The following TRAP1 variants were observed in gnomAD, a reference collection of about 807,000 sequenced individuals.
TRAP1 encodes TNF receptor associated protein 1.
A neutral mutation model predicts 89.1 loss-of-function variants in TRAP1; 102 were observed. That is an observed-to-expected ratio of 1.15 (90% confidence interval 0.98 to 1.35). The LOEUF (loss-of-function observed/expected upper bound fraction) is 1.35, where lower values mean the gene tolerates loss of function less well. Among genes scored for constraint, TRAP1 ranks in the 40% most tolerant of loss-of-function variants. TRAP1 has a pLI of 0.00. For missense variants in TRAP1, 1,256 were observed against 945.3 expected (o/e 1.33, Z -4.31); for synonymous variants, 508 against 388.0 (o/e 1.31, Z -3.64).
At position 3,664,362 on chromosome 16, in the gene TRAP1, G is replaced by C; in HGVS notation, c.1481C>G (p.Thr494Ser). 1 of 1,613,032 alleles carries C rather than the reference G, an allele frequency of 6.2e-7. No individual in the cohort carries two copies. Among genetic ancestry groups the C allele is most frequent in the Non-Finnish European group, 8.5e-7 (1 of 1,179,620 alleles). The change falls in exon 13 of 18, where the codon ACC (threonine) becomes AGC (serine). Residue 494 changes from threonine to serine, a missense_variant. Transcript: ENST00000246957. ...SEYASRMRAG[T>S]RNIYYLCAPN... is the part of the protein sequence containing the mutation. ...GGCGCACAGGTAGTAGATGTTGCGGGTGCCGGCCCGCATGCGGCTGGCGTA... is the reference window on the plus strand; with the variant it reads ...GGCGCACAGGTAGTAGATGTTGCGGCTGCCGGCCCGCATGCGGCTGGCGTA...
At chr16:3,688,254 G>A (rs1306983679) in intron 3 of TRAP1, among the ~76,000 whole-genome samples, 1 of 151,674 alleles carries the variant, frequency 6.6e-6, no homozygotes, top group Non-Finnish European at 1.5e-5. Flanking sequence ...TCCTACCTTG[G>A]CCTCCTAAAG....
rs186403475 is a variant in TRAP1 at position 3,704,042 on chromosome 16, A to G, written c.89-13057T>C. ...AAAAAAAAAATCAAAAAACAAAACT[A>G]TTTACAAAAGTTACATTACAGGCCA... On this transcript the variant is annotated intron_variant, in intron 1 of 17. Coordinates refer to ENST00000246957, the MANE Select transcript of TRAP1 (RefSeq NM_016292.3). Among the ~76,000 whole-genome samples, 7 of 148,748 alleles carry G rather than the reference A, an allele frequency of 4.7e-5. No individual in the cohort carries two copies. In the Admixed American group the frequency reaches 4.7e-4, roughly 10 times the overall value.
intron 11 of TRAP1, 122 bp downstream of exon 11, chr16:3,671,600 C>T (rs868667610): frequency 4.0e-5 from 42 of 1,057,172 alleles, no homozygotes; most frequent in Admixed American, 3.1e-4. Context: ...ATGTGCAGGC[C>T]GGGCTTCCCC....
Position 3,664,511 on chromosome 16 carries a change from T to A in TRAP1, c.1384-52A>T, listed in dbSNP as rs561408701. The A allele has an allele frequency of 5.8e-6, 9 of 1,545,690 alleles. 1 individual carries two copies. The South Asian group carries it at 8.4e-5, about 14-fold the overall frequency. ...TTATTCCAGGCCCATGGGCTCAATG[T>A]TGCCCAACTAACTGGGCGCAAACCC... On this transcript the variant is annotated intron_variant, in intron 12 of 17. Transcript: ENST00000246957.
intron 1 of TRAP1, among the ~76,000 whole-genome samples, chr16:3,701,055 A>C (rs2051358612): frequency 6.6e-6 from 1 of 152,220 alleles, no homozygotes. Context: ...GCTATCTACA[A>C]GACACTTTAA....
chr16:3,659,015 A>G, intron 16 of TRAP1, 150 bp from the exon 17 acceptor site: 1 of 753,390 alleles, frequency 1.3e-6, no homozygotes, highest in Non-Finnish European at 2.1e-6. Flanking sequence ...ATTTATAGAT[A>G]ATATCATTAT....
chr16:3,676,006 G>C lies in TRAP1; in HGVS notation c.814+30C>G, dbSNP rs1383633184. The C allele has an allele frequency of 1.9e-6, 3 of 1,584,436 alleles. No homozygotes were observed. The African/African-American group carries it at 4.0e-5, about 21-fold the overall frequency. ...GCCTCCAGGCCACACATGGATCCCA[G>C]AGTGAGCCTGGGCCCGGGCTCCCGC... On this transcript the variant is annotated intron_variant, in intron 7 of 17. Coordinates refer to ENST00000246957, the MANE Select transcript of TRAP1 (RefSeq NM_016292.3).
chr16:3,710,571 C>A (rs2051514896), intron 1 of TRAP1: 1 of 152,168 alleles, frequency 6.6e-6, no homozygotes, highest in Non-Finnish European at 1.5e-5. Context: ...GACTTCTCAT[C>A]ATAATGGTTA....
At chr16:3,684,593 C>T (rs950318775) in intron 4 of TRAP1, among the ~76,000 whole-genome samples, 1 of 152,186 alleles carries the variant, frequency 6.6e-6, no homozygotes, top group African/African-American at 2.4e-5. Flanking sequence ...AGTTCAAGCC[C>T]AGCCTGGCCA....
At chr16:3,660,441 C>G (rs570319873) in intron 16 of TRAP1, 7 of 152,332 alleles carry the variant, frequency 4.6e-5, no homozygotes, top group African/African-American at 1.7e-4. Flanking sequence ...CTGGTACACT[C>G]CAGCCTAGGT....
intron 1 of TRAP1, among the ~76,000 whole-genome samples, chr16:3,709,227 CAAAAAAA>C (rs58859365): frequency 7.3e-5 from 6 of 82,398 alleles, no homozygotes; most frequent in Non-Finnish European, 1.7e-4. Context: ...AACTCCATCT[CAAAAAAA>C]AAAAAAAAAA....
chr16:3,700,087 T>G (rs77589580), intron 1 of TRAP1, among the ~76,000 whole-genome samples: 1,555 of 152,302 alleles, frequency 0.01, 20 homozygotes, highest in South Asian at 0.047. Context: ...AAAAAGCTTG[T>G]ATTTCTCAGT....
intron 11 of TRAP1, among the ~76,000 whole-genome samples, chr16:3,666,988 C>G (rs1178725042): frequency 1.3e-5 from 2 of 152,154 alleles, no homozygotes; most frequent in Non-Finnish European, 2.9e-5. Flanking sequence ...CTCTCGAGTT[C>G]ATTTAGAGCC....
intron 1 of TRAP1, among the ~76,000 whole-genome samples, chr16:3,707,835 C>A (rs971373679): frequency 7.7e-6 from 1 of 130,358 alleles, no homozygotes; most frequent in Admixed American, 8.8e-5. Context: ...GCCTGGGCAA[C>A]AGACAGAGCG....
chr16:3,709,824 A>G (rs1002149688), intron 1 of TRAP1, among the ~76,000 whole-genome samples: 1 of 151,828 alleles, frequency 6.6e-6, no homozygotes, highest in Non-Finnish European at 1.5e-5. Context: ...CTAGTTTTGT[A>G]TTTTTCGTAG....
In TRAP1 at chr16:3,682,112, T is replaced by C. The variant is rs192803197; in HGVS notation, c.472-2322A>G. Among the ~76,000 whole-genome samples the C allele has an allele frequency of 1.6e-3, 242 of 152,264 alleles. 2 individuals are homozygous for C. The highest frequency in any genetic ancestry group is 5.6e-3 in the African/African-American group (232 of 41,538). ...TCCAAGGTAATTCAATGGGGGATGATAGGTCTATTAACAGATAGTACTGAA... is the reference window on the plus strand; with the variant it reads ...TCCAAGGTAATTCAATGGGGGATGACAGGTCTATTAACAGATAGTACTGAA... On this transcript the variant is annotated intron_variant, in intron 4 of 17. Transcript: ENST00000246957.
chr16:3,664,014 G>C (rs1596694732), intron 13 of TRAP1: 2 of 413,100 alleles, frequency 4.8e-6, no homozygotes, highest in Middle Eastern at 6.6e-4. Flanking sequence ...AGTGAGCCGA[G>C]ATCGCACCAC....
rs141412735 is a variant in TRAP1 at position 3,666,010 on chromosome 16, C to T, written c.1344G>A (p.Met448Ile). 2.5e-6 allele frequency: 4 copies of T among 1,614,174 alleles called. No individual in the cohort carries two copies. The highest frequency in any genetic ancestry group is 3.4e-6 in the Non-Finnish European group (4 of 1,180,022). ...AKFFEDYGLF[M>I]REGIVTATEQ... is the part of the protein sequence containing the mutation. ...CGGTGGCGGTCACAATGCCCTCCCG[C>T]ATGAACAGGCCGTAATCTTCAAAAA... Residue 448 changes from methionine to isoleucine, a missense_variant, in exon 12 of 18, where the codon ATG becomes ATA. Transcript: ENST00000246957.
In TRAP1 at chr16:3,677,626, C is replaced by G; in HGVS notation, c.576G>C (p.Glu192Asp). The change falls in exon 6 of 18, where the codon GAG becomes GAC. Residue 192 changes from glutamate to aspartate, a missense_variant. Transcript: ENST00000246957. ...ACTGGCCGATGATCTTGCTGCTGGC[C>G]TCAGCCTGGTTCTGCAGAGCATCCA... ...AFLDALQNQA[E>D]ASSKIIGQFG... 1.2e-6 allele frequency: 2 copies of G among 1,614,112 alleles called. No individual in the cohort carries two copies. The highest frequency in any genetic ancestry group is 1.7e-6 in the Non-Finnish European group (2 of 1,180,024).
Sources: allele counts gnomAD v4.1 joint callset (sites outside exome capture counted in the v4.1 genomes callset), GRCh38; gene constraint gnomAD v4.1.1; transcripts MANE v1.5; gene names NCBI Gene and HGNC (gene_info 2026-07-23, HGNC 2026-07-21).